CHRNA7: variants seen among roughly 807,000 people sequenced by gnomAD.
CHRNA7 encodes the protein neuronal acetylcholine receptor subunit alpha-7.
A neutral mutation model predicts 48.0 loss-of-function variants in CHRNA7; 17 were observed. The ratio of observed to expected loss-of-function variants is 0.35; its 90% CI spans 0.24 to 0.53. The LOEUF (loss-of-function observed/expected upper bound fraction) is 0.53, where lower values mean the gene tolerates loss of function less well. Among genes scored for constraint, CHRNA7 ranks in the 20% least tolerant of loss-of-function variants. The pLI is 0.92. For synonymous variants in CHRNA7, 75 were observed against 242.3 expected, an observed-to-expected ratio of 0.31 and a Z score of 6.41; for missense variants, 155 against 577.7, an observed-to-expected ratio of 0.27 and a Z score of 7.50.
intron 2 of CHRNA7, chr15:32,099,129 T>C (rs1409209735): frequency 6.6e-6 from 1 of 152,288 alleles, no homozygotes; most frequent in African/African-American, 2.4e-5. Flanking sequence ...ATCATATGGA[T>C]GGTCAGAAAG....
intron 4 of CHRNA7, among the ~76,000 whole-genome samples, chr15:32,126,059 C>T (rs1365820898): frequency 2.0e-5 from 3 of 152,072 alleles, no homozygotes; most frequent in Non-Finnish European, 2.9e-5. Context: ...GAATGCTTCT[C>T]CCTGATACCT....
At chr15:32,063,221 T>TA (rs1356110644) in intron 2 of CHRNA7, among the ~76,000 whole-genome samples, 1 of 151,702 alleles carries the variant, frequency 6.6e-6, no homozygotes, top group Non-Finnish European at 1.5e-5. Context: ...ACTGTACACT[T>TA]AGACTACACT....
intron 2 of CHRNA7, among the ~76,000 whole-genome samples, chr15:32,093,497 A>G (rs996494858): frequency 1.3e-5 from 2 of 152,152 alleles, no homozygotes; most frequent in African/African-American, 4.8e-5. Context: ...CCCCCGGGCA[A>G]GCTCTCTTAT....
chr15:32,086,627 C>T (rs907250756), intron 2 of CHRNA7, among the ~76,000 whole-genome samples: 3 of 152,150 alleles, frequency 2.0e-5, no homozygotes, highest in Non-Finnish European at 4.4e-5. Flanking sequence ...TTCTGTTCCA[C>T]GATCCCATCC....
intron 2 of CHRNA7, among the ~76,000 whole-genome samples, chr15:32,056,327 T>A (rs2049787871): frequency 6.6e-6 from 1 of 152,208 alleles, no homozygotes; most frequent in South Asian, 2.1e-4. Context: ...TCATGTTTGT[T>A]TATAACCCAC....
intron 3 of CHRNA7, among the ~76,000 whole-genome samples, chr15:32,110,609 T>G (rs2050747353): frequency 6.6e-6 from 1 of 152,204 alleles, no homozygotes; most frequent in South Asian, 2.1e-4. Context: ...TTTGCTTCCC[T>G]TGTTGTATCA....
At chr15:32,067,969 G>A (rs1226510551) in intron 2 of CHRNA7, among the ~76,000 whole-genome samples, 7 of 152,144 alleles carry the variant, frequency 4.6e-5, no homozygotes, top group Admixed American at 4.6e-4. Flanking sequence ...GAAGGATTGG[G>A]GGAAGCACAC....
Position 32,118,360 on chromosome 15 carries a change from A to G in CHRNA7, c.350+6461A>G, listed in dbSNP as rs536786540. Among the ~76,000 whole-genome samples, 3 of 152,356 alleles carry G rather than the reference A, an allele frequency of 2.0e-5. No homozygotes were observed. In the East Asian group the frequency reaches 5.8e-4, roughly 29 times the overall value. On this transcript the variant is annotated intron_variant, in intron 4 of 9. Coordinates refer to ENST00000306901, the MANE Select transcript of CHRNA7 (RefSeq NM_000746.6). ...GCAACAGAAAACAAACTAAGACAGT[A>G]GTAGTTCCAGGTGAGCAGAGGTAAT...
chr15:32,068,123 G>C lies in CHRNA7; in HGVS notation c.196-33180G>C, dbSNP rs368613222. On this transcript the variant is annotated intron_variant, in intron 2 of 9. Coordinates refer to ENST00000306901, the MANE Select transcript of CHRNA7 (RefSeq NM_000746.6). Reference sequence around the variant, plus strand: ...GGCCTATCGTTGGAGGCTAGCCTGGGTTACAGAGTGAGGCCCTATCTCTAC... The same window carrying C: ...GGCCTATCGTTGGAGGCTAGCCTGGCTTACAGAGTGAGGCCCTATCTCTAC... 3.3e-5 allele frequency among the ~76,000 whole-genome samples: 5 copies of C among 152,050 alleles called. No individual in the cohort carries two copies. In the South Asian group the frequency reaches 6.2e-4, roughly 19 times the overall value.
At position 32,059,944 on chromosome 15, in the gene CHRNA7, C is replaced by CAAAAAAAAAAAAAAAAAAAAAAAAAA. The variant is rs34200550; in HGVS notation, c.195+28912_195+28937dup. Among the ~76,000 whole-genome samples, 3 of 33,052 alleles carry CAAAAAAAAAAAAAAAAAAAAAAAAAA rather than the reference C, an allele frequency of 9.1e-5. 1 individual carries two copies. The highest frequency in any genetic ancestry group is 1.5e-4 in the Non-Finnish European group (3 of 20,300). 21.7% of individuals were successfully genotyped at this position (33,052 alleles called of 152,430 possible). A position where few individuals can be genotyped will look rare whatever the true frequency, so the allele number is the denominator to read the frequency against. On this transcript the variant is annotated intron_variant, in intron 2 of 9. Coordinates refer to ENST00000306901, the MANE Select transcript of CHRNA7 (RefSeq NM_000746.6). ...ATCTCTGAAACGCCAAGTAGAAAAG[C>CAAAAAAAAAAAAAAAAAAAAAAAAAA]AAAAAAAAAAAAAAAAAAAAAAAAA...
intron 2 of CHRNA7, among the ~76,000 whole-genome samples, chr15:32,083,439 C>T (rs2050246884): frequency 8.5e-6 from 1 of 117,574 alleles, no homozygotes; most frequent in African/African-American, 2.5e-5. Flanking sequence ...AAATTACTCC[C>T]TTCATGATAT....
chr15:32,107,373 T>A (rs1181162380), intron 3 of CHRNA7, among the ~76,000 whole-genome samples: 1 of 152,038 alleles, frequency 6.6e-6, no homozygotes, highest in Non-Finnish European at 1.5e-5. Context: ...AATAACTTTC[T>A]AAGATGACTG....
intron 4 of CHRNA7, among the ~76,000 whole-genome samples, chr15:32,140,623 TGA>T (rs2051361565): frequency 6.6e-6 from 1 of 152,184 alleles, no homozygotes; most frequent in African/African-American, 2.4e-5. Context: ...CTAACTGGTG[TGA>T]GAGAGATGGT....
intron 2 of CHRNA7, among the ~76,000 whole-genome samples, chr15:32,052,246 A>G (rs1470451627): frequency 2.0e-5 from 3 of 147,512 alleles, no homozygotes; most frequent in African/African-American, 7.6e-5. Context: ...CTCACTGGAG[A>G]GTTGATGAGA....
intron 3 of CHRNA7, 110 bp downstream of exon 3, chr15:32,101,457 AAACC>A (rs2050571233): frequency 2.5e-6 from 3 of 1,203,984 alleles, no homozygotes; most frequent in Non-Finnish European, 3.5e-6. Flanking sequence ...TTAGGAAAAA[AAACC>A]AAAAAAACAA....
intron 4 of CHRNA7, among the ~76,000 whole-genome samples, chr15:32,134,984 T>G (rs2051226556): frequency 1.3e-5 from 2 of 152,240 alleles, no homozygotes; most frequent in African/African-American, 4.8e-5. Context: ...CTGTAGTGCT[T>G]CTGTGCACCA....
At chr15:32,118,215 C>A (rs1007650903) in intron 4 of CHRNA7, among the ~76,000 whole-genome samples, 3 of 152,166 alleles carry the variant, frequency 2.0e-5, no homozygotes, top group Non-Finnish European at 4.4e-5. Flanking sequence ...TACAGAGAGT[C>A]CCCACCAGCA....
At chr15:32,115,563 T>C (rs759389098) in intron 4 of CHRNA7, among the ~76,000 whole-genome samples, 2 of 152,020 alleles carry the variant, frequency 1.3e-5, no homozygotes, top group Non-Finnish European at 2.9e-5. Context: ...CACCAATGCT[T>C]CCAGGCAGAG....
chr15:32,114,885 G>A (rs1279928811), intron 4 of CHRNA7, among the ~76,000 whole-genome samples: 1 of 152,232 alleles, frequency 6.6e-6, no homozygotes, highest in African/African-American at 2.4e-5. Flanking sequence ...TGTGCTGAGG[G>A]GTACACTTCC....
Sources: allele counts gnomAD v4.1 joint callset (sites outside exome capture counted in the v4.1 genomes callset), GRCh38; gene constraint gnomAD v4.1.1; transcripts MANE v1.5; gene names NCBI Gene and HGNC (gene_info 2026-07-23, HGNC 2026-07-21).